The following RFTN2 variants were observed in gnomAD, a reference collection of about 807,000 sequenced individuals.
RFTN2 encodes raftlin-2.
A neutral mutation model predicts 52.7 loss-of-function variants in RFTN2; 34 were observed. That is an observed-to-expected ratio of 0.64 (90% confidence interval 0.49 to 0.86). The LOEUF (loss-of-function observed/expected upper bound fraction) is 0.86, where lower values mean the gene tolerates loss of function less well. Ranked by LOEUF, RFTN2 falls within the 40% of genes least tolerant of loss-of-function variation. The probability of loss-of-function intolerance (pLI) is 0.00; values close to 1 mark genes in which losing one functional copy is unlikely to be tolerated. For synonymous variants in RFTN2, 203 were observed against 217.7 expected, an observed-to-expected ratio of 0.93 and a Z score of 0.59; for missense variants, 536 against 600.1, an observed-to-expected ratio of 0.89 and a Z score of 1.12.
intron 7 of RFTN2, among the ~76,000 whole-genome samples, chr2:197,604,529 G>A (rs993275412): frequency 2.0e-5 from 3 of 152,014 alleles, no homozygotes; most frequent in African/African-American, 7.2e-5. Context: ...TATTGTTTAG[G>A]GATTCATACA....
chr2:197,602,822 C>T (rs1012220182), intron 7 of RFTN2, among the ~76,000 whole-genome samples: 1 of 152,100 alleles, frequency 6.6e-6, no homozygotes, highest in African/African-American at 2.4e-5. Flanking sequence ...TGGAACCAAC[C>T]CAAATGTCCA....
chr2:197,610,917 A>G (rs2088046459), intron 7 of RFTN2, among the ~76,000 whole-genome samples: 1 of 152,184 alleles, frequency 6.6e-6, no homozygotes, highest in Non-Finnish European at 1.5e-5. Flanking sequence ...GATTACATTT[A>G]TTGATTTGTG....
chr2:197,591,602 G>A (rs2087714348), intron 8 of RFTN2, among the ~76,000 whole-genome samples: 1 of 152,188 alleles, frequency 6.6e-6, no homozygotes, highest in South Asian at 2.1e-4. Context: ...CACTGGAGCA[G>A]GGGGCAGCAC....
At chr2:197,573,421 A>G (rs1193887820) in intron 8 of RFTN2, among the ~76,000 whole-genome samples, 13 of 152,190 alleles carry the variant, frequency 8.5e-5, no homozygotes, top group Admixed American at 8.5e-4. Context: ...GGAACTTTGA[A>G]CTTGAGAGAG....
intron 8 of RFTN2, among the ~76,000 whole-genome samples, chr2:197,592,474 C>T (rs1364104521): frequency 1.3e-5 from 2 of 152,286 alleles, no homozygotes; most frequent in African/African-American, 4.8e-5. Context: ...GGATTACAGG[C>T]GTGAGCCACT....
At chr2:197,647,355 G>A (rs2088768153) in intron 1 of RFTN2, among the ~76,000 whole-genome samples, 1 of 151,962 alleles carries the variant, frequency 6.6e-6, no homozygotes, top group Non-Finnish European at 1.5e-5. Flanking sequence ...GACTATAGGT[G>A]CATGCCACCA....
At chr2:197,625,350 ATGTCT>A (rs556552250) in intron 5 of RFTN2, among the ~76,000 whole-genome samples, 1,920 of 152,222 alleles carry the variant, frequency 0.013, 20 homozygotes, top group Non-Finnish European at 0.021. Flanking sequence ...TTTTCTGGAC[ATGTCT>A]TGTCTTTTAG....
intron 1 of RFTN2, among the ~76,000 whole-genome samples, chr2:197,674,259 G>C (rs920456810): frequency 1.4e-5 from 2 of 144,012 alleles, no homozygotes; most frequent in Admixed American, 1.5e-4. Context: ...GAGTTTGTTT[G>C]CTGGCCAGCT....
chr2:197,618,843 C>T (rs1472747051), intron 5 of RFTN2, among the ~76,000 whole-genome samples: 2 of 149,078 alleles, frequency 1.3e-5, no homozygotes, highest in African/African-American at 2.5e-5. Context: ...GGAGCCCCTC[C>T]GCCCGGCAGC....
At chr2:197,634,567 T>A (rs2088528248) in intron 3 of RFTN2, among the ~76,000 whole-genome samples, 2 of 152,256 alleles carry the variant, frequency 1.3e-5, no homozygotes, top group East Asian at 3.9e-4. Context: ...TTTATGGTAT[T>A]GTCTCCTATG....
chr2:197,613,922 C>T (rs139307376), intron 7 of RFTN2, among the ~76,000 whole-genome samples: 133 of 152,360 alleles, frequency 8.7e-4, no homozygotes, highest in African/African-American at 3.0e-3. Flanking sequence ...GAGTTAGTAG[C>T]ATCTTCCTAA....
chr2:197,630,215 T>C (rs1013905128), intron 5 of RFTN2, among the ~76,000 whole-genome samples: 30 of 137,796 alleles, frequency 2.2e-4, no homozygotes, highest in Non-Finnish European at 4.8e-5. Flanking sequence ...AGGTAATAAA[T>C]ACTAGGCTGA....
intron 7 of RFTN2, among the ~76,000 whole-genome samples, chr2:197,596,394 C>G (rs562490964): frequency 2.6e-5 from 4 of 152,092 alleles, no homozygotes; most frequent in Admixed American, 2.6e-4. Context: ...TAGTCTTTAT[C>G]AGCTTGTGTA....
rs139882309 is a variant in RFTN2, at chr2:197,580,821, G to A, written c.1234-8541C>T. Among the ~76,000 whole-genome samples the A allele has an allele frequency of 2.0e-3, 309 of 152,216 alleles. 2 individuals carry two copies. Among genetic ancestry groups the A allele is most frequent in the African/African-American group, 6.8e-3 (281 of 41,532 alleles). ...CAATTCTGGTGCCAACTTGGACAAC[G>A]TTCTTTTAAGCACTCTTTTTTAGTT... On this transcript the variant is annotated intron_variant, in intron 8 of 8. Coordinates refer to ENST00000295049, the MANE Select transcript of RFTN2 (RefSeq NM_144629.3).
rs571742284 is a variant in RFTN2 at position 197,598,213 on chromosome 2, G to A, written c.1155-2144C>T. Among the ~76,000 whole-genome samples the A allele has an allele frequency of 2.6e-5, 4 of 152,218 alleles. No individual in the cohort carries two copies. The South Asian group carries it at 8.3e-4, about 32-fold the overall frequency. ...TACATGCCTGTGGTCCCAGCTACTC[G>A]GGAGGCTGAGGTAGGAGGATCACTT... On this transcript the variant is annotated intron_variant, in intron 7 of 8. Transcript: ENST00000295049.
intron 1 of RFTN2, among the ~76,000 whole-genome samples, chr2:197,650,857 G>C (rs2088816264): frequency 6.6e-6 from 1 of 152,074 alleles, no homozygotes; most frequent in South Asian, 2.1e-4. Flanking sequence ...AAGTTTTTGA[G>C]GAAACTCCAT....
At chr2:197,588,323 T>C (rs2087634493) in intron 8 of RFTN2, among the ~76,000 whole-genome samples, 2 of 152,240 alleles carry the variant, frequency 1.3e-5, no homozygotes, top group South Asian at 2.1e-4. Context: ...ATCCAAGTTA[T>C]GTGTATCAGT....
intron 1 of RFTN2, among the ~76,000 whole-genome samples, chr2:197,673,656 C>T (rs1484105197): frequency 2.0e-5 from 3 of 152,146 alleles, no homozygotes; most frequent in African/African-American, 7.2e-5. Context: ...AATTATACTC[C>T]TTTCACAGAG....
chr2:197,640,211 A>T (rs1470576417), intron 3 of RFTN2, among the ~76,000 whole-genome samples: 1 of 152,192 alleles, frequency 6.6e-6, no homozygotes, highest in Admixed American at 6.5e-5. Context: ...CTGCCCCCAG[A>T]GGTGGAGCCT....
Sources: allele counts gnomAD v4.1 joint callset (sites outside exome capture counted in the v4.1 genomes callset), GRCh38; gene constraint gnomAD v4.1.1; transcripts MANE v1.5; gene names NCBI Gene and HGNC (gene_info 2026-07-23, HGNC 2026-07-21).